CA10: variants seen among roughly 807,000 people sequenced by gnomAD.
CA10 encodes the protein carbonic anhydrase-related protein 10.
Under a neutral mutation model 44.2 loss-of-function variants are expected in CA10, and 14 were observed. That is an observed-to-expected ratio of 0.32 (90% confidence interval 0.21 to 0.50). The LOEUF is 0.50. Among genes scored for constraint, CA10 ranks in the 20% least tolerant of loss-of-function variants. CA10 has a pLI of 0.99. For synonymous variants in CA10, 159 were observed against 141.6 expected (o/e 1.12, Z -0.87); for missense variants, 350 against 409.7 (o/e 0.85, Z 1.26).
At chr17:51,851,804 A>G (rs1978807749) in intron 3 of CA10, among the ~76,000 whole-genome samples, 1 of 152,192 alleles carries the variant, frequency 6.6e-6, no homozygotes, top group Non-Finnish European at 1.5e-5. Context: ...CTCATGAATT[A>G]CTTTCTCCTG....
intron 3 of CA10, among the ~76,000 whole-genome samples, chr17:51,894,538 GGA>G (rs145112776): frequency 0.011 from 1,747 of 152,186 alleles, 38 homozygotes; most frequent in African/African-American, 0.04. Context: ...ACCCATTGTT[GGA>G]GATACAATTT....
intron 2 of CA10, among the ~76,000 whole-genome samples, chr17:52,054,535 C>T (rs979949579): frequency 3.9e-5 from 6 of 152,074 alleles, no homozygotes; most frequent in African/African-American, 1.4e-4. Context: ...AACATGTGAT[C>T]TCTGTGACCC....
chr17:51,940,151 C>A (rs2144014175), intron 2 of CA10, among the ~76,000 whole-genome samples: 1 of 152,162 alleles, frequency 6.6e-6, no homozygotes, highest in East Asian at 1.9e-4. Flanking sequence ...ATTAAACAAA[C>A]CATCTTTCAC....
intron 3 of CA10, among the ~76,000 whole-genome samples, chr17:51,886,273 C>T (rs73989452): frequency 0.055 from 8,439 of 152,206 alleles, 269 homozygotes; most frequent in African/African-American, 0.088. Flanking sequence ...AAAAACTGCA[C>T]CTTCCAACTA....
intron 1 of CA10, among the ~76,000 whole-genome samples, chr17:52,143,814 A>T (rs1203356053): frequency 6.6e-6 from 1 of 152,198 alleles, no homozygotes; most frequent in Non-Finnish European, 1.5e-5. Flanking sequence ...GGAGGAAAAA[A>T]ATCCCACAAA....
chr17:51,780,212 G>A (rs575864953), intron 3 of CA10, among the ~76,000 whole-genome samples: 21 of 152,290 alleles, frequency 1.4e-4, no homozygotes, highest in African/African-American at 5.1e-4. Flanking sequence ...ATTTTAGAGT[G>A]CTAAACTTCA....
At chr17:51,849,262 T>A (rs1380753044) in intron 3 of CA10, among the ~76,000 whole-genome samples, 6 of 137,940 alleles carry the variant, frequency 4.3e-5, no homozygotes, top group Non-Finnish European at 9.4e-5. Context: ...TATATATATA[T>A]ATAAAACTAA....
chr17:51,808,884 ATATT>A (rs1025125172), intron 3 of CA10, among the ~76,000 whole-genome samples: 2 of 152,202 alleles, frequency 1.3e-5, no homozygotes, highest in African/African-American at 4.8e-5. Flanking sequence ...AATATGCACT[ATATT>A]TATAATTTCA....
intron 3 of CA10, among the ~76,000 whole-genome samples, chr17:51,857,195 T>C (rs956250821): frequency 3.3e-5 from 5 of 152,288 alleles, no homozygotes; most frequent in African/African-American, 1.2e-4. Flanking sequence ...GTATCTAACA[T>C]CTCCAGGCAT....
chr17:52,138,447 C>T (rs1423924714), intron 1 of CA10, among the ~76,000 whole-genome samples: 2 of 152,192 alleles, frequency 1.3e-5, no homozygotes, highest in African/African-American at 4.8e-5. Flanking sequence ...CTTCAGCCAA[C>T]TCACTATATT....
chr17:51,922,452 T>C (rs1982270999), intron 3 of CA10, among the ~76,000 whole-genome samples: 1 of 152,186 alleles, frequency 6.6e-6, no homozygotes, highest in Non-Finnish European at 1.5e-5. Flanking sequence ...CTTTTTAAAG[T>C]GCTCCTCATT....
chr17:52,117,088 G>A (rs1196067462), intron 1 of CA10, among the ~76,000 whole-genome samples: 1 of 152,146 alleles, frequency 6.6e-6, no homozygotes, highest in East Asian at 1.9e-4. Context: ...CAAGTTATAG[G>A]TATATTTAAA....
intron 3 of CA10, among the ~76,000 whole-genome samples, chr17:51,771,889 C>T (rs1490014299): frequency 6.6e-6 from 1 of 152,158 alleles, no homozygotes; most frequent in African/African-American, 2.4e-5. Context: ...CCTATGGTTC[C>T]CACACAGGAA....
chr17:51,651,718 G>A (rs1913573784), intron 5 of CA10, among the ~76,000 whole-genome samples: 1 of 152,200 alleles, frequency 6.6e-6, no homozygotes, highest in Non-Finnish European at 1.5e-5. Context: ...CAGCTGTCAT[G>A]TGCCTGTGCC....
At chr17:51,680,109 AT>A (rs1914791483) in intron 4 of CA10, among the ~76,000 whole-genome samples, 1 of 152,158 alleles carries the variant, frequency 6.6e-6, no homozygotes, top group Non-Finnish European at 1.5e-5. Flanking sequence ...GGAAAAAAAA[AT>A]TGTCTATCCC....
At chr17:51,656,195 G>A (rs1425758870) in intron 4 of CA10, among the ~76,000 whole-genome samples, 1 of 152,228 alleles carries the variant, frequency 6.6e-6, no homozygotes, top group Non-Finnish European at 1.5e-5. Context: ...GACATGCCTT[G>A]AAGTTAAAGC....
chr17:52,132,575 G>A (rs1989265793), intron 1 of CA10, among the ~76,000 whole-genome samples: 1 of 152,204 alleles, frequency 6.6e-6, no homozygotes, highest in Non-Finnish European at 1.5e-5. Context: ...CTGGGTTTCT[G>A]ACTTATATGT....
At chr17:52,134,012 T>C (rs1989297754) in intron 1 of CA10, among the ~76,000 whole-genome samples, 1 of 152,176 alleles carries the variant, frequency 6.6e-6, no homozygotes, top group South Asian at 2.1e-4. Context: ...AAGCTAAGCA[T>C]TGCAGCTTTC....
intron 4 of CA10, among the ~76,000 whole-genome samples, chr17:51,702,940 G>C (rs1915647811): frequency 6.6e-6 from 1 of 152,176 alleles, no homozygotes; most frequent in African/African-American, 2.4e-5. Flanking sequence ...CCCTTACCCA[G>C]GACTTTGGGA....
Sources: allele counts gnomAD v4.1 joint callset (sites outside exome capture counted in the v4.1 genomes callset), GRCh38; gene constraint gnomAD v4.1.1; transcripts MANE v1.5; gene names NCBI Gene and HGNC (gene_info 2026-07-23, HGNC 2026-07-21).